The following ST18 variants were observed in gnomAD, a reference collection of about 807,000 sequenced individuals.
The protein encoded by ST18 is ST18 C2H2C-type zinc finger transcription factor, also known as suppression of tumorigenicity 18 protein.
In ST18, 50 loss-of-function variants were observed where a neutral mutation model predicts 110.0. The observed-to-expected ratio is 0.45, with a 90% CI of 0.36 to 0.58. ST18 has a LOEUF of 0.58. ST18 is among the 20% of genes least tolerant of loss of function. The pLI is 0.00. For synonymous variants in ST18, 461 were observed against 452.4 expected (o/e 1.02, Z -0.24); for missense variants, 1,306 against 1,280.1 (o/e 1.02, Z -0.31).
chr8:52,233,354 C>T (rs939361070), intron 2 of ST18, among the ~76,000 whole-genome samples: 1 of 151,838 alleles, frequency 6.6e-6, no homozygotes, highest in Admixed American at 6.6e-5. Context: ...GATGTGGAGG[C>T]CAAATTTATT....
chr8:52,276,881 C>T (rs778967530), intron 2 of ST18, among the ~76,000 whole-genome samples: 3 of 151,956 alleles, frequency 2.0e-5, no homozygotes, highest in Non-Finnish European at 4.4e-5. Flanking sequence ...ATTCTCCTGC[C>T]TCACCATCCT....
intron 2 of ST18, among the ~76,000 whole-genome samples, chr8:52,364,119 T>A (rs1266959830): frequency 6.6e-6 from 1 of 152,224 alleles, no homozygotes; most frequent in Non-Finnish European, 1.5e-5. Context: ...CTTCAGACAA[T>A]TTACCCTCTT....
At chr8:52,269,153 G>A (rs1382941463) in intron 2 of ST18, among the ~76,000 whole-genome samples, 1 of 152,232 alleles carries the variant, frequency 6.6e-6, no homozygotes, top group South Asian at 2.1e-4. Flanking sequence ...GTAGGCCAAT[G>A]CTGGGCGGCA....
At chr8:52,221,085 CTCTATCTATCTA>C (rs58429982) in intron 4 of ST18, among the ~76,000 whole-genome samples, 3,047 of 148,372 alleles carry the variant, frequency 0.021, 41 homozygotes, top group African/African-American at 0.037. Flanking sequence ...AACTACCTAT[CTCTATCTATCTA>C]TCTATCTATC....
At chr8:52,159,965 A>C (rs977166237) in intron 14 of ST18, among the ~76,000 whole-genome samples, 1 of 152,072 alleles carries the variant, frequency 6.6e-6, no homozygotes, top group Non-Finnish European at 1.5e-5. Context: ...TTTTATATTA[A>C]ATTTTTTTAT....
At chr8:52,233,390 G>T (rs1433363645) in intron 2 of ST18, among the ~76,000 whole-genome samples, 1 of 152,118 alleles carries the variant, frequency 6.6e-6, no homozygotes, top group East Asian at 1.9e-4. Context: ...AGAACAATCT[G>T]ATGAGCTTGA....
At chr8:52,334,341 A>G (rs772969694) in intron 2 of ST18, among the ~76,000 whole-genome samples, 5 of 152,144 alleles carry the variant, frequency 3.3e-5, no homozygotes, top group Non-Finnish European at 7.4e-5. Flanking sequence ...AAGGAAGAAA[A>G]TTATTTCACC....
At chr8:52,348,826 A>T (rs1818942145) in intron 2 of ST18, among the ~76,000 whole-genome samples, 1 of 152,218 alleles carries the variant, frequency 6.6e-6, no homozygotes, top group Non-Finnish European at 1.5e-5. Flanking sequence ...AATCTAGCTA[A>T]TCAACATATT....
intron 2 of ST18, among the ~76,000 whole-genome samples, chr8:52,383,726 C>A (rs1041844009): frequency 2.0e-5 from 3 of 151,328 alleles, no homozygotes; most frequent in East Asian, 2.0e-4. Context: ...GGATTACAGG[C>A]GTGAGCCACC....
intron 2 of ST18, among the ~76,000 whole-genome samples, chr8:52,256,847 T>TA (rs1219263134): frequency 6.6e-6 from 1 of 152,212 alleles, no homozygotes; most frequent in African/African-American, 2.4e-5. Context: ...AAATAACTTC[T>TA]AATATATTCA....
chr8:52,132,408 A>G (rs2050051732), intron 21 of ST18, among the ~76,000 whole-genome samples: 1 of 152,238 alleles, frequency 6.6e-6, no homozygotes, highest in South Asian at 2.1e-4. Flanking sequence ...TTTGTAGATG[A>G]GGAATAATGA....
At chr8:52,189,251 G>T (rs1588068590) in intron 8 of ST18, among the ~76,000 whole-genome samples, 2 of 152,154 alleles carry the variant, frequency 1.3e-5, no homozygotes, top group Non-Finnish European at 2.9e-5. Flanking sequence ...AGCTAGAGGT[G>T]TACAGACAAG....
chr8:52,157,043 G>A (rs984919366), intron 15 of ST18, among the ~76,000 whole-genome samples: 5 of 152,214 alleles, frequency 3.3e-5, no homozygotes, highest in African/African-American at 1.2e-4. Flanking sequence ...TGCAGGATGA[G>A]CTCCGTGGAG....
At chr8:52,381,505 A>G (rs1834501344) in intron 2 of ST18, among the ~76,000 whole-genome samples, 1 of 152,204 alleles carries the variant, frequency 6.6e-6, no homozygotes, top group African/African-American at 2.4e-5. Context: ...AATATTTACA[A>G]ATTAATTGGT....
chr8:52,127,643 G>T (rs988268197), intron 22 of ST18, among the ~76,000 whole-genome samples: 5 of 152,128 alleles, frequency 3.3e-5, no homozygotes, highest in African/African-American at 1.2e-4. Flanking sequence ...AACTTTCAGG[G>T]TGACACAGTG....
chr8:52,382,528 T>C (rs1305672427), intron 2 of ST18, among the ~76,000 whole-genome samples: 1 of 152,216 alleles, frequency 6.6e-6, no homozygotes, highest in Non-Finnish European at 1.5e-5. Flanking sequence ...CATTTTCTCT[T>C]TTTTCTTATT....
intron 2 of ST18, among the ~76,000 whole-genome samples, chr8:52,277,489 C>G (rs1367507628): frequency 6.6e-6 from 1 of 152,122 alleles, no homozygotes; most frequent in Admixed American, 6.5e-5. Context: ...AAAGAATGTA[C>G]CATATCATGG....
At chr8:52,298,380 A>C (rs2139478423) in intron 2 of ST18, among the ~76,000 whole-genome samples, 1 of 152,340 alleles carries the variant, frequency 6.6e-6, no homozygotes, top group East Asian at 1.9e-4. Flanking sequence ...AGAATATTTG[A>C]TGACATGGAA....
chr8:52,352,327 T>C (rs1314302738), intron 2 of ST18, among the ~76,000 whole-genome samples: 2 of 152,176 alleles, frequency 1.3e-5, no homozygotes, highest in African/African-American at 2.4e-5. Flanking sequence ...CATTGTGTAA[T>C]GTAAGATTTC....
Sources: gnomAD v4.1 joint callset for allele counts (sites outside exome capture counted in the v4.1 genomes callset) on GRCh38, gnomAD v4.1.1 for gene constraint, MANE v1.5 for transcripts, NCBI Gene and HGNC (gene_info 2026-07-23, HGNC 2026-07-21) for gene names.